Variants in INTS1 observed in about 807,000 individuals in gnomAD.
The protein encoded by INTS1 is integrator complex subunit 1.
In INTS1, 137 loss-of-function variants were observed where a neutral mutation model predicts 241.6. That is an observed-to-expected ratio of 0.57 (90% CI 0.49 to 0.65). The LOEUF (loss-of-function observed/expected upper bound fraction) is 0.65, where lower values mean the gene tolerates loss of function less well. Ranked by LOEUF, INTS1 falls within the 30% of genes least tolerant of loss-of-function variation. INTS1 has a pLI of 0.00. For missense variants in INTS1, 3,073 were observed against 3,032.2 expected (o/e 1.01, Z -0.32); for synonymous variants, 1,692 against 1,337.8 (o/e 1.26, Z -5.78).
At position 1,478,512 on chromosome 7, in the gene INTS1, G is replaced by C. The variant is rs1331841024; in HGVS notation, c.4490-6C>G. The stretch of plus-strand genomic sequence containing the variant: ...GCGCAGGAGCCCCCCTCGCACTGTG[G>C]GAGGTCTGTGTGAGTGCCCTGTGGC... On this transcript the variant is annotated splice_region_variant and splice_polypyrimidine_tract_variant and intron_variant, in intron 32 of 47. Coordinates refer to ENST00000404767, the MANE Select transcript of INTS1 (RefSeq NM_001080453.3). The C allele has an allele frequency of 6.2e-7, 1 of 1,608,414 alleles. No homozygotes were observed. The highest frequency in any genetic ancestry group is 8.5e-7 in the Non-Finnish European group (1 of 1,178,574).
chr7:1,489,945 C>T (rs950813544), intron 16 of INTS1, among the ~76,000 whole-genome samples: 5 of 152,114 alleles, frequency 3.3e-5, no homozygotes, highest in South Asian at 2.1e-4. Flanking sequence ...ACATAATAAA[C>T]GTTCATTAAG....
chr7:1,481,669 ACCCTGGGCC>A lies in INTS1; in HGVS notation c.3704-190_3704-182del, dbSNP rs1272738418. 4.7e-5 allele frequency among the ~76,000 whole-genome samples: 7 copies of A among 147,522 alleles called. No individual in the cohort carries two copies. The highest frequency in any genetic ancestry group is 1.8e-4 in the African/African-American group (7 of 39,492). On this transcript the variant is annotated intron_variant, in intron 27 of 47. Transcript: ENST00000404767. The surrounding 1 kb of genome is among the most constrained non-coding windows in gnomAD (Gnocchi z 6.8). ...TGCACACTCGGCAGCCCCACCTGAG[ACCCTGGGCC>A]ACGTGGGCTCGGTGACCCCACCCAA...
chr7:1,476,357 C>T lies in INTS1; in HGVS notation c.5250G>A (p.Gly1750=), dbSNP rs915652162. ...LAEAETRSQD[G]DTAACSLIQA... ...GGATGAGGCTGCAGGCGGCTGTGTC[C>T]CCGTCCTGGCTCCGCGTCTCCGCCT... is the stretch of plus-strand genomic sequence containing the variant. The change falls in exon 38 of 48, where the codon GGG becomes GGA. Residue 1750 remains glycine (G), a synonymous_variant. Transcript: ENST00000404767. 3.2e-6 allele frequency: 5 copies of T among 1,577,076 alleles called. No homozygotes were observed. The highest frequency in any genetic ancestry group is 1.2e-5 in the South Asian group (1 of 86,434).
chr7:1,480,853 A>T lies in INTS1; in HGVS notation c.3931T>A (p.Ser1311Thr), dbSNP rs1781960783. 2 of 1,553,046 alleles carry T rather than the reference A, an allele frequency of 1.3e-6. No individual in the cohort carries two copies. Among genetic ancestry groups the T allele is most frequent in the East Asian group, 4.8e-5 (2 of 41,388 alleles). ...CCAGTACCTCGGCGGGGCGGCAGGG[A>T]GGCTGTGAGCAAGGAGTGGAAAGTC... ...GQTFHSLLTA[S>T]LPPRRDSTEA... The change falls in exon 29 of 48, where the codon TCC (serine) becomes ACC (threonine). Residue 1311 changes from serine (S) to threonine (T), a missense_variant. Ser to Thr is a moderately conservative substitution (Grantham distance 58, BLOSUM62 1). Transcript: ENST00000404767.
At position 1,499,137 on chromosome 7, in the gene INTS1, C is replaced by G. The variant is rs775182695; in HGVS notation, c.975G>C (p.Val325=). The change falls in exon 8 of 48, where the codon GTG becomes GTC. Residue 325 remains valine, a synonymous_variant. Coordinates refer to ENST00000404767, the MANE Select transcript of INTS1 (RefSeq NM_001080453.3). ...MPRYEELAES[V]EEYVLDMLRD... is the part of the protein sequence containing the mutation. ...GCAGCATGTCCAGGACATACTCCTC[C>G]ACGCTCTCCGCGAGCTCTTCGTACC... 3 of 1,611,126 alleles carry G rather than the reference C, an allele frequency of 1.9e-6. No homozygotes were observed. The East Asian group carries it at 6.7e-5, about 36-fold the overall frequency.
rs139498993 is a variant in INTS1, at chr7:1,474,413, C to G, written c.5637-53G>C. The G allele has an allele frequency of 3.9e-3, 5,857 of 1,509,430 alleles. 117 individuals are homozygous for G. In the African/African-American group the frequency reaches 0.058, roughly 15 times the overall value. 93.5% of individuals were successfully genotyped at this position (1,509,430 alleles called of 1,614,324 possible). On this transcript the variant is annotated intron_variant, in intron 40 of 47. Transcript: ENST00000404767. ...CCCCGGCCGGCGGGCTCACCTGGCG[C>G]ACGTCCCCAGGAAGGCCCCACTGCC...
chr7:1,478,206 G>T (rs1781819877), intron 33 of INTS1, among the ~76,000 whole-genome samples, 160 bp downstream of exon 33: 1 of 152,002 alleles, frequency 6.6e-6, no homozygotes, highest in Non-Finnish European at 1.5e-5. Flanking sequence ...ATTCTCAAGA[G>T]GCCCCGCCCT....
Position 1,484,108 on chromosome 7 carries a change from G to C in INTS1, c.3324C>G (p.Ser1108=). The change falls in exon 25 of 48, where the codon TCC becomes TCG. Residue 1108 remains serine (S), a synonymous_variant. Coordinates refer to ENST00000404767, the MANE Select transcript of INTS1 (RefSeq NM_001080453.3). Reference sequence around the variant, plus strand: ...GCACGGCGTCCGACGCGGCACTCGGGGAGAGCTTCGAGAAGAGGTGGGACA... The same window carrying C: ...GCACGGCGTCCGACGCGGCACTCGGCGAGAGCTTCGAGAAGAGGTGGGACA... ...TIMSHLFSKL[S]PSAASDAVLS... 6.2e-7 allele frequency: 1 copy of C among 1,612,526 alleles called. No homozygotes were observed. Among genetic ancestry groups the C allele is most frequent in the East Asian group, 2.2e-5 (1 of 44,872 alleles).
chr7:1,476,496 T>A, intron 37 of INTS1, 41 bp from the exon 38 acceptor site: 1 of 1,597,544 alleles, frequency 6.3e-7, no homozygotes. Context: ...CACCACCGCC[T>A]CTCCCGGATG....
chr7:1,479,341 G>C, intron 31 of INTS1, 89 bp downstream of exon 31: 1 of 1,418,742 alleles, frequency 7.0e-7, no homozygotes, highest in Non-Finnish European at 9.5e-7. Flanking sequence ...AAGACCCACA[G>C]AGGAGCAGTC....
intron 3 of INTS1, among the ~76,000 whole-genome samples, 174 bp downstream of exon 3, chr7:1,502,727 C>T (rs1454915608): frequency 2.6e-5 from 4 of 152,320 alleles, no homozygotes; most frequent in East Asian, 3.9e-4. Flanking sequence ...GATGCACACA[C>T]GGGATAAGGG....
Position 1,497,229 on chromosome 7 carries a change from T to C in INTS1, c.1511A>G (p.Lys504Arg), listed in dbSNP as rs781438659. The C allele has an allele frequency of 3.1e-6, 5 of 1,613,288 alleles. No homozygotes were observed. The highest frequency in any genetic ancestry group is 4.2e-6 in the Non-Finnish European group (5 of 1,179,774). Residue 504 changes from lysine (K) to arginine (R), a missense_variant, in exon 11 of 48, where the codon AAG becomes AGG. By Grantham distance (26) the Lys-to-Arg change is conservative. Transcript: ENST00000404767. The surrounding 1 kb of genome is among the most constrained non-coding windows in gnomAD (Gnocchi z 5.3). The part of the protein sequence containing the change: ...ASRALLREII[K>R]QTKHEINFQA... ...GAAGTTGATCTCGTGCTTGGTCTGC[T>C]TGATGATCTCCCGCAGCAGGGCCCG... is the stretch of plus-strand genomic sequence containing the variant.
At chr7:1,474,627 T>C in intron 40 of INTS1, 78 bp downstream of exon 40, 1 of 1,476,610 alleles carries the variant, frequency 6.8e-7, no homozygotes, top group Non-Finnish European at 9.0e-7. Context: ...AGTTTTGCTC[T>C]TGTTGCCCAG....
chr7:1,480,481 T>C (rs532967378), intron 29 of INTS1, 40 bp from the exon 30 acceptor site: 5 of 1,599,014 alleles, frequency 3.1e-6, no homozygotes, highest in Admixed American at 1.7e-5. Context: ...GGACACTTTC[T>C]GACCTGCTTC....
rs771479591 is a variant in INTS1, at chr7:1,498,556, G to A, written c.1284-3C>T. On this transcript the variant is annotated splice_polypyrimidine_tract_variant and splice_region_variant and intron_variant, in intron 9 of 47. Coordinates refer to ENST00000404767, the MANE Select transcript of INTS1 (RefSeq NM_001080453.3). ...CCTTGTGCGCGCTCAGCAGCTCCCT[G>A]GGTGAGGTGAGGGTACAGACCCTGT... The A allele has an allele frequency of 1.9e-6, 3 of 1,613,574 alleles. No individual in the cohort carries two copies. Among genetic ancestry groups the A allele is most frequent in the Non-Finnish European group, 2.5e-6 (3 of 1,179,818 alleles).
chr7:1,501,491 G>T (rs1300323683), intron 3 of INTS1, among the ~76,000 whole-genome samples: 3 of 152,030 alleles, frequency 2.0e-5, no homozygotes. Flanking sequence ...GCTGGATGCA[G>T]CCATCTCTCT....
In INTS1 at chr7:1,497,361, CCT is replaced by C. The variant is rs762029311; in HGVS notation, c.1426-49_1426-48del. The C allele has an allele frequency of 1.1e-5, 18 of 1,568,266 alleles. No individual in the cohort carries two copies. In the Admixed American group the frequency reaches 2.5e-4, roughly 22 times the overall value. On this transcript the variant is annotated intron_variant, in intron 10 of 47. Coordinates refer to ENST00000404767, the MANE Select transcript of INTS1 (RefSeq NM_001080453.3). This position sits in a 1 kb window ranked among gnomAD's most constrained non-coding sequence, Gnocchi z 5.3. ...TGGGAGGCTGCCCGACAGTGCTGTC[CCT>C]GTCACAGGCCCCTTCCCGCAGCACC...
At chr7:1,496,726 G>T (rs1004371402) in intron 11 of INTS1, among the ~76,000 whole-genome samples, 1 of 152,172 alleles carries the variant, frequency 6.6e-6, no homozygotes, top group Non-Finnish European at 1.5e-5. Context: ...CGGCAGGCTG[G>T]CTGCGAGTTG....
At chr7:1,502,877 G>C (rs781092175) in intron 3 of INTS1, 24 bp downstream of exon 3, 2 of 1,612,282 alleles carry the variant, frequency 1.2e-6, no homozygotes, top group African/African-American at 1.3e-5. Context: ...GGGTGTTCTC[G>C]GGGGATGTCC....
Sources: gnomAD v4.1 joint callset for allele counts (sites outside exome capture counted in the v4.1 genomes callset) on GRCh38, gnomAD v4.1.1 for gene constraint, Gnocchi (gnomAD v3.1) non-coding constraint, MANE v1.5 for transcripts, NCBI Gene and HGNC (gene_info 2026-07-23, HGNC 2026-07-21) for gene names.